The following ZDHHC7 variants were observed in gnomAD, a reference collection of about 807,000 sequenced individuals.
ZDHHC7 encodes the protein zDHHC palmitoyltransferase 7, also known as palmitoyltransferase ZDHHC7.
A neutral mutation model predicts 34.1 loss-of-function variants in ZDHHC7; 12 were observed. The observed-to-expected ratio is 0.35, with a 90% CI of 0.23 to 0.57. ZDHHC7 has a LOEUF of 0.57. Ranked by LOEUF, ZDHHC7 falls within the 20% of genes least tolerant of loss-of-function variation. ZDHHC7 has a pLI of 0.84. For missense variants in ZDHHC7, 388 were observed against 402.7 expected, an observed-to-expected ratio of 0.96 and a Z score of 0.31; for synonymous variants, 185 against 155.4, an observed-to-expected ratio of 1.19 and a Z score of -1.42.
upstream of ZDHHC7, among the ~76,000 whole-genome samples, chr16:85,012,039 C>G (rs1372242913): frequency 6.6e-6 from 1 of 152,172 alleles, no homozygotes; most frequent in Non-Finnish European, 1.5e-5. Flanking sequence ...ACTAGAGCAC[C>G]GCCACTGTCC....
intron 2 of ZDHHC7, among the ~76,000 whole-genome samples, chr16:84,995,564 C>A (rs571473501): frequency 6.6e-6 from 1 of 152,100 alleles, no homozygotes; most frequent in Admixed American, 6.5e-5. Context: ...AGACAGAGGT[C>A]GCAGAGAGCC....
chr16:85,011,444 C>G lies in ZDHHC7; in HGVS notation c.-262G>C, dbSNP rs889840509. ...CTCGGCTCGGCTTGGTCCCCTGGGT[C>G]CCGCCGGGCAGGTCGGAAGGAGGCT... On this transcript the variant is annotated 5_prime_UTR_variant, in exon 1 of 8. Coordinates refer to ENST00000313732, the MANE Select transcript of ZDHHC7 (RefSeq NM_017740.3). 24 of 152,020 alleles carry G rather than the reference C, an allele frequency of 1.6e-4. No homozygotes were observed. Among genetic ancestry groups the G allele is most frequent in the African/African-American group, 4.8e-4 (20 of 41,418 alleles). The allele number at this position is 152,020 out of a possible 1,614,324, so 9.4% of individuals were successfully genotyped here. A position where few individuals can be genotyped will look rare whatever the true frequency, so the allele number is the denominator to read the frequency against.
the ZDHHC7 span, among the ~76,000 whole-genome samples, chr16:85,026,992 C>G: frequency 1.3e-5 from 2 of 152,270 alleles, 1 homozygote; most frequent in South Asian, 4.1e-4. Context: ...ACTAAAAAGG[C>G]GTCCAAAGGC....
upstream of ZDHHC7, among the ~76,000 whole-genome samples, chr16:85,011,880 C>G (rs2072799383): frequency 6.6e-6 from 1 of 152,082 alleles, no homozygotes; most frequent in South Asian, 2.1e-4. Flanking sequence ...GGGATGTGAC[C>G]GAAGGAAATG....
chr16:84,986,095 A>G (rs1410803157), intron 3 of ZDHHC7, among the ~76,000 whole-genome samples: 1 of 152,210 alleles, frequency 6.6e-6, no homozygotes, highest in Non-Finnish European at 1.5e-5. Context: ...TAAAAGATAC[A>G]CACGTTTACA....
the ZDHHC7 span, among the ~76,000 whole-genome samples, chr16:85,017,242 G>C: frequency 6.6e-6 from 1 of 152,164 alleles, no homozygotes; most frequent in Non-Finnish European, 1.5e-5. Flanking sequence ...TTACAAAAGA[G>C]AATATCTGAA....
In ZDHHC7 at chr16:84,978,016, G is replaced by A. The variant is rs8044638; in HGVS notation, c.538-11C>T. 0.54 allele frequency: 857,179 copies of A among 1,590,096 alleles called. 237,972 individuals are homozygous for A. The highest frequency in any genetic ancestry group is 0.83 in the African/African-American group (61,323 of 74,016). On this transcript the variant is annotated splice_polypyrimidine_tract_variant and intron_variant, in intron 5 of 7. Coordinates refer to ENST00000313732, the MANE Select transcript of ZDHHC7 (RefSeq NM_017740.3). ...CAGAGCTATATACATCTAGAATGAG[G>A]GGGAGATTGGTTAGTCACTTTTATT...
chr16:84,984,950 T>C (rs1049622265), intron 3 of ZDHHC7, among the ~76,000 whole-genome samples: 2 of 152,172 alleles, frequency 1.3e-5, no homozygotes, highest in African/African-American at 2.4e-5. Flanking sequence ...TGGAGCACCG[T>C]TTCCTCTGCA....
rs189724050 is a variant in ZDHHC7 at position 85,008,510 on chromosome 16, C to A, written c.-104+2776G>T. 3.9e-3 allele frequency among the ~76,000 whole-genome samples: 573 copies of A among 145,544 alleles called. 12 individuals carry two copies. Among genetic ancestry groups the A allele is most frequent in the Admixed American group, 0.028 (416 of 14,796 alleles). On this transcript the variant is annotated intron_variant, in intron 1 of 7. Coordinates refer to ENST00000313732, the MANE Select transcript of ZDHHC7 (RefSeq NM_017740.3). ...TGGGAACCACCACCTACACCCCCCCCCAAAAAAAAGCCAACTTGCAGTTGG... is the reference window on the plus strand; with the variant it reads ...TGGGAACCACCACCTACACCCCCCCACAAAAAAAAGCCAACTTGCAGTTGG...
At chr16:85,007,311 T>C (rs2072730511) in intron 1 of ZDHHC7, among the ~76,000 whole-genome samples, 1 of 151,132 alleles carries the variant, frequency 6.6e-6, no homozygotes, top group South Asian at 2.1e-4. Flanking sequence ...TAATCCCAGC[T>C]ACTCGGGAGG....
At chr16:85,021,188 C>T in the ZDHHC7 span, among the ~76,000 whole-genome samples, 3 of 151,578 alleles carry the variant, frequency 2.0e-5, no homozygotes, top group South Asian at 2.1e-4. Flanking sequence ...CCGAGGTGGG[C>T]GGATCACAAG....
upstream of ZDHHC7, among the ~76,000 whole-genome samples, chr16:85,015,914 T>C (rs773714112): frequency 2.6e-5 from 4 of 152,136 alleles, no homozygotes; most frequent in Non-Finnish European, 4.4e-5. Context: ...GATGCTATAA[T>C]AGAGTCAGGC....
upstream of ZDHHC7, among the ~76,000 whole-genome samples, chr16:85,015,479 G>A (rs545724859): frequency 2.9e-4 from 44 of 152,256 alleles, no homozygotes; most frequent in African/African-American, 1.0e-3. Flanking sequence ...CACCTGAATA[G>A]AAAAGGGGAT....
chr16:85,004,651 A>T (rs1479426570), intron 1 of ZDHHC7, among the ~76,000 whole-genome samples: 5 of 146,210 alleles, frequency 3.4e-5, no homozygotes, highest in African/African-American at 1.2e-4. Flanking sequence ...CCTCAATGGA[A>T]TGTTACTCAT....
At chr16:84,986,498 C>A (rs1328878069) in intron 3 of ZDHHC7, among the ~76,000 whole-genome samples, 2 of 152,182 alleles carry the variant, frequency 1.3e-5, no homozygotes, top group Admixed American at 6.5e-5. Context: ...ATCCACGGGG[C>A]TGGCATTGAA....
upstream of ZDHHC7, among the ~76,000 whole-genome samples, chr16:85,013,503 A>G (rs78736552): frequency 1.1e-4 from 16 of 152,060 alleles, no homozygotes; most frequent in Admixed American, 1.0e-3. Context: ...TTGGCCTCCC[A>G]AAGTGCTGGG....
the ZDHHC7 span, among the ~76,000 whole-genome samples, chr16:85,019,005 G>A: frequency 2.0e-5 from 3 of 152,198 alleles, no homozygotes; most frequent in Non-Finnish European, 4.4e-5. Flanking sequence ...CACCTCCGCT[G>A]TAGGTGGAGC....
At chr16:84,996,424 G>T (rs1479442567) in intron 1 of ZDHHC7, among the ~76,000 whole-genome samples, 1 of 152,118 alleles carries the variant, frequency 6.6e-6, no homozygotes, top group Non-Finnish European at 1.5e-5. Flanking sequence ...GACTAGAATG[G>T]CAGGCCCTGC....
intron 6 of ZDHHC7, 57 bp from the exon 7 acceptor site, chr16:84,977,282 G>A (rs1459205259): frequency 1.3e-6 from 2 of 1,597,314 alleles, no homozygotes; most frequent in Admixed American, 1.7e-5. Flanking sequence ...GTGGCAGAAT[G>A]TTTGGCTCAG....
Sources: gnomAD v4.1 joint callset for allele counts (sites outside exome capture counted in the v4.1 genomes callset) on GRCh38, gnomAD v4.1.1 for gene constraint, MANE v1.5 for transcripts, NCBI Gene and HGNC (gene_info 2026-07-23, HGNC 2026-07-21) for gene names.